The following TMPRSS15 variants were observed in gnomAD, a reference collection of about 807,000 sequenced individuals.
The protein encoded by TMPRSS15 is transmembrane serine protease 15.
A neutral mutation model predicts 125.3 loss-of-function variants in TMPRSS15; 128 were observed. The observed-to-expected ratio is 1.02, with a 90% CI of 0.89 to 1.18. The LOEUF (loss-of-function observed/expected upper bound fraction) is 1.18. Among genes scored for constraint, TMPRSS15 ranks in the 50% most tolerant of loss-of-function variants. The pLI is 0.00. For synonymous variants in TMPRSS15, 446 were observed against 423.2 expected, an observed-to-expected ratio of 1.05 and a Z score of -0.66; for missense variants, 1,283 against 1,212.7, an observed-to-expected ratio of 1.06 and a Z score of -0.86.
intron 12 of TMPRSS15, among the ~76,000 whole-genome samples, chr21:18,341,996 T>A (rs1045335239): frequency 1.3e-5 from 2 of 152,150 alleles, no homozygotes; most frequent in Non-Finnish European, 2.9e-5. Context: ...GAAAACACAC[T>A]GGGGGTGAAG....
intron 13 of TMPRSS15, among the ~76,000 whole-genome samples, chr21:18,336,947 G>T (rs2146977454): frequency 6.6e-6 from 1 of 152,262 alleles, no homozygotes; most frequent in East Asian, 1.9e-4. Flanking sequence ...TTCAAGAGAG[G>T]TAGAGAGGTA....
At chr21:18,359,646 A>G (rs1168211102) in intron 8 of TMPRSS15, 111 bp downstream of exon 8, 2 of 553,116 alleles carry the variant, frequency 3.6e-6, no homozygotes, top group Admixed American at 3.4e-5. Flanking sequence ...TTTTAGTTTT[A>G]TAAGTTTCAA....
intron 21 of TMPRSS15, among the ~76,000 whole-genome samples, chr21:18,287,324 T>C (rs2074777069): frequency 6.6e-6 from 1 of 152,188 alleles, no homozygotes; most frequent in South Asian, 2.1e-4. Context: ...AACAGCCAGG[T>C]AACGGGCAGA....
chr21:18,313,536 A>G (rs2075125038), intron 17 of TMPRSS15, among the ~76,000 whole-genome samples: 1 of 151,800 alleles, frequency 6.6e-6, no homozygotes, highest in South Asian at 2.1e-4. Context: ...AGAGACATTA[A>G]AGAGATTAGA....
chr21:18,394,515 T>TTCTC (rs373272853), intron 3 of TMPRSS15, among the ~76,000 whole-genome samples: 2 of 148,640 alleles, frequency 1.3e-5, no homozygotes, highest in African/African-American at 4.9e-5. Flanking sequence ...ATGTATGGCA[T>TTCTC]TCTCTCTCTC....
chr21:18,469,650 C>T (rs2300507), intron 1 of TMPRSS15, among the ~76,000 whole-genome samples: 70,305 of 151,666 alleles, frequency 0.46, 17,131 homozygotes, highest in East Asian at 0.91. Flanking sequence ...AGCCACATAT[C>T]ATGATAGATT....
chr21:18,464,493 T>C (rs977604484), intron 1 of TMPRSS15, among the ~76,000 whole-genome samples: 4 of 151,894 alleles, frequency 2.6e-5, no homozygotes, highest in Non-Finnish European at 5.9e-5. Flanking sequence ...TTGAAAAGTT[T>C]AACAAAATAG....
At chr21:18,323,946 T>C (rs887793828) in intron 16 of TMPRSS15, among the ~76,000 whole-genome samples, 6 of 152,210 alleles carry the variant, frequency 3.9e-5, no homozygotes, top group African/African-American at 1.2e-4. Context: ...ATGTTCATAA[T>C]TGAGAGAAAT....
rs762173697 is a variant in TMPRSS15, at chr21:18,279,689, A to G, written c.2669-630T>C. Among the ~76,000 whole-genome samples the G allele has an allele frequency of 2.4e-4, 36 of 152,102 alleles. 1 individual carries two copies. The highest frequency in any genetic ancestry group is 4.1e-4 in the Non-Finnish European group (28 of 67,984). On this transcript the variant is annotated intron_variant, in intron 22 of 24. Transcript: ENST00000284885. ...CTTAGTTCTGGAGGTAATCATTTAT[A>G]TTTTATTTTTAAATAAAATTATGGT...
chr21:18,437,902 A>G (rs199873660), intron 1 of TMPRSS15, among the ~76,000 whole-genome samples: 91 of 151,886 alleles, frequency 6.0e-4, no homozygotes, highest in African/African-American at 8.9e-4. Context: ...TTCAACCATT[A>G]TGGAAGTCAG....
intron 7 of TMPRSS15, among the ~76,000 whole-genome samples, chr21:18,360,449 G>A (rs970624763): frequency 6.6e-6 from 1 of 152,056 alleles, no homozygotes; most frequent in African/African-American, 2.4e-5. Context: ...TGCTGGATCA[G>A]GTGGGAATTC....
At chr21:18,315,059 G>C (rs2144203) in intron 17 of TMPRSS15, 87 bp downstream of exon 17, 4 of 1,092,278 alleles carry the variant, frequency 3.7e-6, no homozygotes, top group South Asian at 1.3e-5. Context: ...GGTCCTAATA[G>C]ACACAGTTAT....
chr21:18,320,194 C>A (rs999752027), intron 16 of TMPRSS15, among the ~76,000 whole-genome samples: 3 of 151,902 alleles, frequency 2.0e-5, no homozygotes, highest in African/African-American at 7.2e-5. Context: ...AATTGGAAGT[C>A]TTAAATGTAG....
At chr21:18,371,659 T>C (rs1453969667) in intron 6 of TMPRSS15, among the ~76,000 whole-genome samples, 1 of 152,194 alleles carries the variant, frequency 6.6e-6, no homozygotes, top group African/African-American at 2.4e-5. Context: ...TATTCATATC[T>C]TATTTCTACT....
chr21:18,280,908 T>TAAG (rs1416161219), intron 22 of TMPRSS15, 132 bp downstream of exon 22: 4 of 991,400 alleles, frequency 4.0e-6, no homozygotes, highest in Admixed American at 2.0e-5. Flanking sequence ...TAATCCCATT[T>TAAG]AAGTTCCAAT....
chr21:18,465,417 C>T (rs1978640086), intron 1 of TMPRSS15, among the ~76,000 whole-genome samples: 3 of 152,144 alleles, frequency 2.0e-5, no homozygotes, highest in Non-Finnish European at 4.4e-5. Flanking sequence ...CCAGGGAAAT[C>T]AGGCAAGAGA....
Position 18,269,871 on chromosome 21 carries a change from T to C in TMPRSS15, c.*98A>G. 6.8e-7 allele frequency: 1 copy of C among 1,480,766 alleles called. No homozygotes were observed. The highest frequency in any genetic ancestry group is 9.2e-7 in the Non-Finnish European group (1 of 1,084,276). 91.7% of individuals were successfully genotyped at this position (1,480,766 alleles called of 1,614,324 possible). ...CATAGGTAAGAATAAAAACCTTTGGTAACTTTTTAAAATTTTTGTACGAAA... is the reference window on the plus strand; with the variant it reads ...CATAGGTAAGAATAAAAACCTTTGGCAACTTTTTAAAATTTTTGTACGAAA... On this transcript the variant is annotated 3_prime_UTR_variant, in exon 25 of 25. Transcript: ENST00000284885.
At chr21:18,476,808 T>A (rs1305824315) in intron 1 of TMPRSS15, among the ~76,000 whole-genome samples, 1 of 152,124 alleles carries the variant, frequency 6.6e-6, no homozygotes, top group Non-Finnish European at 1.5e-5. Flanking sequence ...GCATAGTACT[T>A]GACTAATGGT....
intron 1 of TMPRSS15, among the ~76,000 whole-genome samples, chr21:18,481,331 T>C (rs2123291812): frequency 6.6e-6 from 1 of 151,938 alleles, no homozygotes; most frequent in African/African-American, 2.4e-5. Flanking sequence ...GAATAACGTA[T>C]GCAAAGACTC....
Sources: gnomAD v4.1 joint callset for allele counts (sites outside exome capture counted in the v4.1 genomes callset) on GRCh38, gnomAD v4.1.1 for gene constraint, MANE v1.5 for transcripts, NCBI Gene and HGNC (gene_info 2026-07-23, HGNC 2026-07-21) for gene names.